Variants in BRAF observed in about 807,000 individuals in gnomAD.
BRAF encodes serine/threonine-protein kinase B-raf.
A neutral mutation model predicts 104.6 loss-of-function variants in BRAF; 16 were observed. The observed-to-expected ratio is 0.15, with a 90% CI of 0.10 to 0.23. The LOEUF is 0.23. Ranked by LOEUF, BRAF falls within the 10% of genes least tolerant of loss-of-function variation. The pLI is 1.00. For synonymous variants in BRAF, 310 were observed against 341.6 expected, an observed-to-expected ratio of 0.91 and a Z score of 1.02; for missense variants, 541 against 937.3, an observed-to-expected ratio of 0.58 and a Z score of 5.52.
At chr7:140,807,927 T>C in intron 5 of BRAF, 33 bp downstream of exon 5, 7 of 1,533,634 alleles carry the variant, frequency 4.6e-6, no homozygotes, top group Non-Finnish European at 6.3e-6. Flanking sequence ...TAAACATTTT[T>C]GACATTTCAA....
intron 17 of BRAF, chr7:140,747,404 C>G (rs999107647): frequency 5.4e-6 from 7 of 1,287,980 alleles, no homozygotes; most frequent in Non-Finnish European, 7.1e-6. Flanking sequence ...GGAGAGTAAG[C>G]CCTTGCCACA....
chr7:140,774,607 C>T (rs571002484), intron 14 of BRAF, among the ~76,000 whole-genome samples: 16 of 152,312 alleles, frequency 1.1e-4, no homozygotes, highest in African/African-American at 3.6e-4. Flanking sequence ...TCCTCACACT[C>T]CTGGGCTCAA....
chr7:140,728,651 A>C (rs2130841830), intron 19 of BRAF, among the ~76,000 whole-genome samples: 1 of 152,320 alleles, frequency 6.6e-6, no homozygotes, highest in South Asian at 2.1e-4. Context: ...AGAAATATAC[A>C]AACATTCTTA....
At chr7:140,898,308 G>A (rs1359987706) in intron 1 of BRAF, among the ~76,000 whole-genome samples, 1 of 151,794 alleles carries the variant, frequency 6.6e-6, no homozygotes, top group African/African-American at 2.4e-5. Flanking sequence ...TGGGAGGCCT[G>A]CCTCTTAAAA....
intron 1 of BRAF, among the ~76,000 whole-genome samples, chr7:140,851,211 AAAAAAG>A (rs1323066663): frequency 6.6e-6 from 1 of 152,180 alleles, no homozygotes; most frequent in Non-Finnish European, 1.5e-5. Flanking sequence ...TTTTCTTAAT[AAAAAAG>A]AAAAACAGTC....
chr7:140,738,955 C>T (rs1226701441), intron 18 of BRAF, among the ~76,000 whole-genome samples: 23 of 144,984 alleles, frequency 1.6e-4, no homozygotes, highest in South Asian at 6.4e-4. Context: ...AGGCTTTATC[C>T]TTCCAATATG....
At chr7:140,743,825 G>C (rs1196833234) in intron 17 of BRAF, among the ~76,000 whole-genome samples, 5 of 152,110 alleles carry the variant, frequency 3.3e-5, no homozygotes, top group African/African-American at 1.2e-4. Context: ...CTAAATACTG[G>C]TGTCAAACTG....
chr7:140,889,414 A>G (rs952222107), intron 1 of BRAF, among the ~76,000 whole-genome samples: 2 of 152,168 alleles, frequency 1.3e-5, no homozygotes, highest in African/African-American at 4.8e-5. Flanking sequence ...CATGCTAACA[A>G]GTTCATATTT....
intron 17 of BRAF, among the ~76,000 whole-genome samples, chr7:140,748,629 T>C (rs1797544309): frequency 6.6e-6 from 1 of 152,146 alleles, no homozygotes; most frequent in African/African-American, 2.4e-5. Flanking sequence ...TTATCCAAGG[T>C]AATTTTAGTA....
At chr7:140,796,737 C>T (rs1424998488) in intron 7 of BRAF, among the ~76,000 whole-genome samples, 2 of 152,154 alleles carry the variant, frequency 1.3e-5, no homozygotes, top group Non-Finnish European at 2.9e-5. Context: ...CAAGGGAACA[C>T]TTGAAGTGAT....
At chr7:140,915,060 A>T (rs1469503237) in intron 1 of BRAF, among the ~76,000 whole-genome samples, 2 of 151,188 alleles carry the variant, frequency 1.3e-5, no homozygotes, top group Non-Finnish European at 3.0e-5. Flanking sequence ...AAAAAAAAAA[A>T]AAAAAAAAAA....
intron 3 of BRAF, among the ~76,000 whole-genome samples, chr7:140,827,577 A>T (rs1007907357): frequency 2.6e-5 from 4 of 152,212 alleles, no homozygotes; most frequent in Non-Finnish European, 5.9e-5. Context: ...CACTGAAGGT[A>T]ATGTCCTTCA....
Position 140,834,674 on chromosome 7 carries a change from T to C in BRAF, c.439A>G (p.Ser147Gly), listed in dbSNP as rs397507464. 1 of 1,614,050 alleles carries C rather than the reference T, an allele frequency of 6.2e-7. No individual in the cohort carries two copies. Among genetic ancestry groups the C allele is most frequent in the African/African-American group, 1.3e-5 (1 of 74,920 alleles). ...GGTTTTTGTGGTGACTTGGGGTTGCTCCGTGCCACATCTGTGGGATTTTGA... is the reference window on the plus strand; with the variant it reads ...GGTTTTTGTGGTGACTTGGGGTTGCCCCGTGCCACATCTGTGGGATTTTGA... ...VFQNPTDVARSNPKSPQKPIV... is the reference protein window; with the variant it reads ...VFQNPTDVARGNPKSPQKPIV... Residue 147 changes from serine to glycine, a missense_variant, in exon 3 of 20, where the codon AGC (serine) becomes GGC (glycine). By Grantham distance (56) the Ser-to-Gly change is moderately conservative. Coordinates refer to ENST00000644969, the MANE Select transcript of BRAF (RefSeq NM_001374258.1).
intron 8 of BRAF, among the ~76,000 whole-genome samples, chr7:140,789,373 A>G (rs145359047): frequency 0.01 from 1,543 of 152,306 alleles, 7 homozygotes; most frequent in Middle Eastern, 0.02. Flanking sequence ...ATGGCCCCAA[A>G]TATCTCTGAA....
rs114157709 is a variant in BRAF at position 140,839,023 on chromosome 7, C to T, written c.241-4151G>A. On this transcript the variant is annotated intron_variant, in intron 2 of 19. Transcript: ENST00000644969. The stretch of plus-strand genomic sequence containing the variant: ...TTTCTCAATAGAACAAGAAATAAAA[C>T]CTTACATTTACAGTCAATTGATTTT... Among the ~76,000 whole-genome samples, 491 of 152,076 alleles carry T rather than the reference C, an allele frequency of 3.2e-3. 3 individuals are homozygous for T. The highest frequency in any genetic ancestry group is 0.011 in the African/African-American group (469 of 41,492).
chr7:140,726,266 C>T lies in BRAF; in HGVS notation c.*228G>A, dbSNP rs983830018. Reference sequence around the variant, plus strand: ...TCCTGGGACTGGGCAGACTTGTATGCTCGTGGTATTTTTGTTGAAGAAACA... The same window carrying T: ...TCCTGGGACTGGGCAGACTTGTATGTTCGTGGTATTTTTGTTGAAGAAACA... On this transcript the variant is annotated 3_prime_UTR_variant, in exon 20 of 20. Coordinates refer to ENST00000644969, the MANE Select transcript of BRAF (RefSeq NM_001374258.1). 6 of 1,404,886 alleles carry T rather than the reference C, an allele frequency of 4.3e-6. No homozygotes were observed. The African/African-American group carries it at 7.3e-5, about 17-fold the overall frequency. The allele number at this position is 1,404,886 out of a possible 1,614,324, so 87.0% of individuals were successfully genotyped here. A position where few individuals can be genotyped will look rare whatever the true frequency, so the allele number is the denominator to read the frequency against.
chr7:140,728,009 A>T (rs1795709046), intron 19 of BRAF, among the ~76,000 whole-genome samples: 3 of 152,188 alleles, frequency 2.0e-5, no homozygotes, highest in African/African-American at 7.2e-5. Flanking sequence ...GGAATAACCT[A>T]TCTAATTTCT....
chr7:140,818,926 C>T (rs894001238), intron 3 of BRAF, among the ~76,000 whole-genome samples: 54 of 152,092 alleles, frequency 3.6e-4, no homozygotes, highest in African/African-American at 1.3e-3. Context: ...AGATAGCTTA[C>T]CTAGGAATAA....
chr7:140,833,076 G>A (rs371946402), intron 3 of BRAF, among the ~76,000 whole-genome samples: 1 of 151,818 alleles, frequency 6.6e-6, no homozygotes, highest in Admixed American at 6.6e-5. Context: ...AGGTTTCACC[G>A]TGTGTTAGCC....
Sources: allele counts gnomAD v4.1 joint callset (sites outside exome capture counted in the v4.1 genomes callset), GRCh38; gene constraint gnomAD v4.1.1; transcripts MANE v1.5; gene names NCBI Gene and HGNC (gene_info 2026-07-23, HGNC 2026-07-21).